RGL1: variants seen among roughly 807,000 people sequenced by gnomAD.
The protein encoded by RGL1 is ral guanine nucleotide dissociation stimulator like 1.
In RGL1, 24 loss-of-function variants were observed where a neutral mutation model predicts 95.2. The ratio of observed to expected loss-of-function variants is 0.25; its 90% CI spans 0.18 to 0.35. RGL1 has a LOEUF of 0.35. RGL1 is among the 10% of genes least tolerant of loss of function. RGL1 has a pLI of 1.00. For synonymous variants in RGL1, 329 were observed against 344.9 expected, an observed-to-expected ratio of 0.95 and a Z score of 0.51; for missense variants, 715 against 936.3, an observed-to-expected ratio of 0.76 and a Z score of 3.08.
intron 2 of RGL1, among the ~76,000 whole-genome samples, chr1:183,750,128 C>T (rs553010115): frequency 6.6e-6 from 1 of 152,328 alleles, no homozygotes; most frequent in East Asian, 1.9e-4. Flanking sequence ...TGGGGAAATT[C>T]TCCTGGATAA....
intron 3 of RGL1, among the ~76,000 whole-genome samples, chr1:183,857,755 C>A (rs565700444): frequency 1.6e-4 from 24 of 152,322 alleles, no homozygotes; most frequent in Admixed American, 1.0e-3. Context: ...GTTCTCTTCC[C>A]TGCTGGGTTG....
chr1:183,892,680 T>C (rs1461717666), intron 9 of RGL1, among the ~76,000 whole-genome samples: 2 of 152,232 alleles, frequency 1.3e-5, no homozygotes, highest in Non-Finnish European at 2.9e-5. Context: ...CAGACATTTG[T>C]TGAATGCCTA....
At chr1:183,725,832 C>T (rs2102216892) in intron 1 of RGL1, among the ~76,000 whole-genome samples, 1 of 152,246 alleles carries the variant, frequency 6.6e-6, no homozygotes, top group East Asian at 1.9e-4. Context: ...TTTTTAAGAA[C>T]ATGTCACTTA....
intron 8 of RGL1, among the ~76,000 whole-genome samples, chr1:183,891,310 A>G (rs1313038557): frequency 6.6e-6 from 1 of 152,134 alleles, no homozygotes; most frequent in African/African-American, 2.4e-5. Flanking sequence ...AGAGAAAACC[A>G]TGAGGCTCAC....
chr1:183,924,613 TA>T (rs1186736529), intron 17 of RGL1, among the ~76,000 whole-genome samples: 1 of 151,782 alleles, frequency 6.6e-6, no homozygotes, highest in African/African-American at 2.4e-5. Flanking sequence ...CCCCAGACCT[TA>T]AAGTATAGTA....
intron 2 of RGL1, among the ~76,000 whole-genome samples, chr1:183,773,154 T>C (rs187544150): frequency 1.7e-3 from 257 of 152,012 alleles, no homozygotes; most frequent in Middle Eastern, 6.8e-3. Flanking sequence ...TTCCCTGATC[T>C]CTCTGCAGAC....
intron 1 of RGL1, chr1:183,648,853 A>C (rs1558132764): frequency 1.6e-6 from 2 of 1,232,286 alleles, no homozygotes; most frequent in Non-Finnish European, 2.3e-6. Flanking sequence ...CAGCGCAGGA[A>C]AAACTGAAGA....
At chr1:183,732,212 A>G (rs1294475414) in intron 1 of RGL1, among the ~76,000 whole-genome samples, 14 of 152,198 alleles carry the variant, frequency 9.2e-5, no homozygotes. Flanking sequence ...AACGCAAGAT[A>G]CAATCTTAGT....
In RGL1 at chr1:183,805,971, C is replaced by CTTTTTTTTTTTTTTTTTTTTTTTTTTT. The variant is rs751229707; in HGVS notation, c.28-390_28-364dup. The stretch of plus-strand genomic sequence containing the variant: ...TTTCTTTTTCTTTTTCTTTTCTTTT[C>CTTTTTTTTTTTTTTTTTTTTTTTTTTT]TTTTTTTTTTTTTTTTTTTTTTTTT... On this transcript the variant is annotated intron_variant, in intron 1 of 17. Coordinates refer to ENST00000360851, the MANE Select transcript of RGL1 (RefSeq NM_001297671.3). Among the ~76,000 whole-genome samples, 44 of 74,642 alleles carry CTTTTTTTTTTTTTTTTTTTTTTTTTTT rather than the reference C, an allele frequency of 5.9e-4. 3 individuals are homozygous for CTTTTTTTTTTTTTTTTTTTTTTTTTTT. The highest frequency in any genetic ancestry group is 1.2e-3 in the South Asian group (2 of 1,690). 49.0% of individuals were successfully genotyped at this position (74,642 alleles called of 152,430 possible).
intron 1 of RGL1, among the ~76,000 whole-genome samples, chr1:183,656,495 G>C (rs1651176293): frequency 6.6e-6 from 1 of 152,206 alleles, no homozygotes; most frequent in South Asian, 2.1e-4. Flanking sequence ...TTTGGCCAAA[G>C]GCAGCCAACT....
intron 1 of RGL1, among the ~76,000 whole-genome samples, chr1:183,697,667 C>T (rs1326865504): frequency 6.6e-6 from 1 of 152,202 alleles, no homozygotes; most frequent in Non-Finnish European, 1.5e-5. Context: ...TAAATATTTA[C>T]TCAAAGGTTA....
chr1:183,671,963 T>A (rs989331709), intron 1 of RGL1, among the ~76,000 whole-genome samples: 2 of 151,458 alleles, frequency 1.3e-5, no homozygotes, highest in Non-Finnish European at 2.9e-5. Flanking sequence ...GACAGAGCCT[T>A]GCTCTGTCAC....
At chr1:183,721,044 T>C (rs1655990132) in intron 1 of RGL1, among the ~76,000 whole-genome samples, 1 of 152,174 alleles carries the variant, frequency 6.6e-6, no homozygotes, top group South Asian at 2.1e-4. Flanking sequence ...CAGTTGGATG[T>C]ATGGAGCTGA....
chr1:183,845,178 A>T (rs1664334223), intron 2 of RGL1, among the ~76,000 whole-genome samples: 2 of 50,442 alleles, frequency 4.0e-5, no homozygotes. Context: ...GACATAAAAC[A>T]ATTACAATTC....
intron 1 of RGL1, among the ~76,000 whole-genome samples, chr1:183,719,453 G>A (rs1655854512): frequency 6.6e-6 from 1 of 151,954 alleles, no homozygotes; most frequent in Admixed American, 6.5e-5. Context: ...TCTCCCTGAG[G>A]ACAAGCTGAT....
At chr1:183,880,871 C>T in intron 5 of RGL1, 71 bp downstream of exon 5, 1 of 1,424,616 alleles carries the variant, frequency 7.0e-7, no homozygotes, top group Non-Finnish European at 9.6e-7. Flanking sequence ...GAGAAAGGTT[C>T]TCCCTGTGCT....
chr1:183,847,479 A>AGGC (rs1359906362), intron 2 of RGL1, 87 bp from the exon 3 acceptor site: 4 of 1,049,222 alleles, frequency 3.8e-6, no homozygotes, highest in Non-Finnish European at 5.7e-6. Flanking sequence ...GAAACATAAC[A>AGGC]GGCTATGGCC....
intron 1 of RGL1, among the ~76,000 whole-genome samples, chr1:183,653,582 T>C (rs1418237348): frequency 6.6e-6 from 1 of 152,212 alleles, no homozygotes; most frequent in African/African-American, 2.4e-5. Flanking sequence ...CTGGCGGTTC[T>C]GTTGCCTGCG....
rs141508478 is a variant in RGL1, at chr1:183,650,254, T to TTCTTTAAAAAAA, written c.-33+13753_-33+13754insTCTTTAAAAAAA. ...GAGCATTTTCCCATGTTATTAAAAA[T>TTCTTTAAAAAAA]AATATTCGGCCAGGCGTGGTGGCTC... is the stretch of plus-strand genomic sequence containing the variant. On this transcript the variant is annotated intron_variant, in intron 1 of 18. Coordinates refer to the RGL1 transcript ENST00000304685. 5.4e-3 allele frequency among the ~76,000 whole-genome samples: 819 copies of TTCTTTAAAAAAA among 152,216 alleles called. 9 individuals are homozygous for TTCTTTAAAAAAA. Among genetic ancestry groups the TTCTTTAAAAAAA allele is most frequent in the African/African-American group, 0.019 (793 of 41,506 alleles).
Sources: allele counts gnomAD v4.1 joint callset (sites outside exome capture counted in the v4.1 genomes callset), GRCh38; gene constraint gnomAD v4.1.1; transcripts MANE v1.5; gene names NCBI Gene and HGNC (gene_info 2026-07-23, HGNC 2026-07-21).